Variants in PIK3CB observed in about 807,000 individuals in gnomAD.
PIK3CB encodes the protein phosphatidylinositol 4,5-bisphosphate 3-kinase catalytic subunit beta isoform.
In PIK3CB, 39 loss-of-function variants were observed where a neutral mutation model predicts 136.8. The ratio of observed to expected loss-of-function variants is 0.29; its 90% CI spans 0.22 to 0.37. The LOEUF (loss-of-function observed/expected upper bound fraction) is 0.37, where lower values mean the gene tolerates loss of function less well. Among genes scored for constraint, PIK3CB ranks in the 10% least tolerant of loss-of-function variants. The pLI, the probability that PIK3CB is intolerant of heterozygous loss-of-function variation, is 1.00. For synonymous variants in PIK3CB, 428 were observed against 436.6 expected, an observed-to-expected ratio of 0.98 and a Z score of 0.25; for missense variants, 868 against 1,275.4, an observed-to-expected ratio of 0.68 and a Z score of 4.87.
chr3:138,774,492 C>G (rs1473096703), intron 2 of PIK3CB, among the ~76,000 whole-genome samples: 1 of 152,174 alleles, frequency 6.6e-6, no homozygotes, highest in Non-Finnish European at 1.5e-5. Context: ...GCAATGGGTC[C>G]AATAGACTAA....
At chr3:138,719,008 A>G (rs2044670156) in intron 8 of PIK3CB, among the ~76,000 whole-genome samples, 1 of 152,152 alleles carries the variant, frequency 6.6e-6, no homozygotes, top group African/African-American at 2.4e-5. Flanking sequence ...CCCTTAAGCA[A>G]TCTTTCTTTA....
intron 11 of PIK3CB, among the ~76,000 whole-genome samples, chr3:138,706,883 C>T (rs1342253056): frequency 6.6e-6 from 1 of 152,128 alleles, no homozygotes; most frequent in African/African-American, 2.4e-5. Context: ...CTCGAACTCC[C>T]GACCTCAGGT....
chr3:138,756,841 C>T, intron 3 of PIK3CB, among the ~76,000 whole-genome samples: 1 of 152,132 alleles, frequency 6.6e-6, no homozygotes, highest in South Asian at 2.1e-4. Flanking sequence ...CTGAACTTCA[C>T]CAAAACTTAA....
At chr3:138,764,173 G>A (rs1300803434) in intron 2 of PIK3CB, among the ~76,000 whole-genome samples, 1 of 151,330 alleles carries the variant, frequency 6.6e-6, no homozygotes, top group Non-Finnish European at 1.5e-5. Flanking sequence ...ACAAGGCTAA[G>A]AGTGGTGGCT....
At chr3:138,728,967 C>T (rs1559845804) in intron 8 of PIK3CB, among the ~76,000 whole-genome samples, 1 of 151,982 alleles carries the variant, frequency 6.6e-6, no homozygotes, top group Non-Finnish European at 1.5e-5. Context: ...TGAATGCTGT[C>T]CTTTAAGATA....
At chr3:138,710,804 G>A (rs2108571748) in intron 10 of PIK3CB, among the ~76,000 whole-genome samples, 1 of 152,292 alleles carries the variant, frequency 6.6e-6, no homozygotes, top group Admixed American at 6.5e-5. Flanking sequence ...AGTGTTTTAG[G>A]CTGGGAGTGG....
intron 4 of PIK3CB, among the ~76,000 whole-genome samples, chr3:138,745,940 T>C (rs923146136): frequency 7.9e-5 from 12 of 152,126 alleles, no homozygotes; most frequent in African/African-American, 2.7e-4. Flanking sequence ...TTGGGCACTT[T>C]GATCTGCATT....
intron 10 of PIK3CB, among the ~76,000 whole-genome samples, chr3:138,708,747 C>T (rs943103134): frequency 7.9e-5 from 12 of 151,694 alleles, no homozygotes; most frequent in African/African-American, 2.7e-4. Flanking sequence ...GCACCTGGCT[C>T]AATTCTAATA....
intron 1 of PIK3CB, among the ~76,000 whole-genome samples, chr3:138,808,553 C>A (rs960635891): frequency 3.3e-5 from 5 of 151,956 alleles, no homozygotes; most frequent in East Asian, 1.9e-4. Context: ...TGGGAATGCA[C>A]ACCTGTAGTC....
At chr3:138,663,783 A>G in intron 21 of PIK3CB, 123 bp downstream of exon 21, 2 of 905,332 alleles carry the variant, frequency 2.2e-6, no homozygotes, top group Non-Finnish European at 3.4e-6. Flanking sequence ...GAGAAATTGA[A>G]GTAAAGACAA....
intron 1 of PIK3CB, among the ~76,000 whole-genome samples, chr3:138,814,099 A>G (rs2108879461): frequency 6.6e-6 from 1 of 152,254 alleles, no homozygotes; most frequent in Non-Finnish European, 1.5e-5. Context: ...GAGGACATGG[A>G]GGGACAGAAA....
At chr3:138,747,054 T>TTATA (rs59299476) in intron 4 of PIK3CB, among the ~76,000 whole-genome samples, 14 of 42,244 alleles carry the variant, frequency 3.3e-4, no homozygotes, top group Non-Finnish European at 4.6e-4. Flanking sequence ...TATTCAGCCT[T>TTATA]TATATATATA....
intron 15 of PIK3CB, among the ~76,000 whole-genome samples, chr3:138,689,611 A>C (rs2043966390): frequency 6.6e-6 from 1 of 152,182 alleles, no homozygotes. Flanking sequence ...ATTATTAGTG[A>C]CATGGGTCAA....
intron 11 of PIK3CB, 145 bp downstream of exon 11, chr3:138,707,014 G>T (rs989695643): frequency 4.5e-6 from 3 of 673,694 alleles, no homozygotes; most frequent in Non-Finnish European, 7.9e-6. Context: ...AGTTAAGAAG[G>T]CTCCCTGATC....
At chr3:138,659,166 C>T (rs144410172) in intron 21 of PIK3CB, among the ~76,000 whole-genome samples, 6 of 152,230 alleles carry the variant, frequency 3.9e-5, no homozygotes, top group Non-Finnish European at 8.8e-5. Context: ...CCCCACCCCC[C>T]AGTTATGACA....
At chr3:138,724,629 G>C (rs1388153597) in intron 8 of PIK3CB, among the ~76,000 whole-genome samples, 1 of 152,068 alleles carries the variant, frequency 6.6e-6, no homozygotes, top group Non-Finnish European at 1.5e-5. Flanking sequence ...GGGACTGTAA[G>C]TCTCCATTCA....
At chr3:138,814,965 G>A (rs1265891192) in intron 1 of PIK3CB, among the ~76,000 whole-genome samples, 3 of 151,448 alleles carry the variant, frequency 2.0e-5, no homozygotes, top group Non-Finnish European at 2.9e-5. Context: ...GTGAAACCCC[G>A]TCTCTACTAA....
intron 1 of PIK3CB, among the ~76,000 whole-genome samples, chr3:138,821,677 T>C (rs1331428995): frequency 6.6e-6 from 1 of 151,870 alleles, no homozygotes; most frequent in East Asian, 1.9e-4. Flanking sequence ...TCCAGCTACT[T>C]GGGAGGCTGA....
intron 11 of PIK3CB, 81 bp from the exon 12 acceptor site, chr3:138,704,574 A>G: frequency 2.3e-6 from 2 of 866,486 alleles, no homozygotes; most frequent in Non-Finnish European, 3.9e-6. Flanking sequence ...ATTTGTACTT[A>G]GACTACATAA....
Sources: gnomAD v4.1 joint callset for allele counts (sites outside exome capture counted in the v4.1 genomes callset) on GRCh38, gnomAD v4.1.1 for gene constraint, MANE v1.5 for transcripts, NCBI Gene and HGNC (gene_info 2026-07-23, HGNC 2026-07-21) for gene names.